The following MALRD1 variants were observed in gnomAD, a reference collection of about 807,000 sequenced individuals.
MALRD1 encodes MAM and LDL receptor class A domain containing 1.
In MALRD1, 247 loss-of-function variants were observed where a neutral mutation model predicts 242.1. The observed-to-expected ratio is 1.02, with a 90% CI of 0.92 to 1.13. The LOEUF (loss-of-function observed/expected upper bound fraction) is 1.13, where lower values mean the gene tolerates loss of function less well. MALRD1 is among the 50% of genes most tolerant of loss of function. The pLI, the probability that MALRD1 is intolerant of heterozygous loss-of-function variation, is 0.00. For missense variants in MALRD1, 2,989 were observed against 2,533.1 expected (o/e 1.18, Z -3.86); for synonymous variants, 995 against 866.6 (o/e 1.15, Z -2.60).
chr10:19,338,283 C>G (rs1284701947), intron 24 of MALRD1, among the ~76,000 whole-genome samples: 1 of 152,066 alleles, frequency 6.6e-6, no homozygotes, highest in Non-Finnish European at 1.5e-5. Context: ...AGTATCCTTA[C>G]AGAGTCGTTT....
intron 33 of MALRD1, among the ~76,000 whole-genome samples, chr10:19,585,686 A>G (rs983931087): frequency 6.6e-6 from 1 of 151,978 alleles, no homozygotes; most frequent in African/African-American, 2.4e-5. Flanking sequence ...ACTTTGGTGA[A>G]TCTGACAATT....
Position 19,093,850 on chromosome 10 carries a change from G to T in MALRD1, c.597+5665G>T, listed in dbSNP as rs1431649134. Among the ~76,000 whole-genome samples, 36 of 87,992 alleles carry T rather than the reference G, an allele frequency of 4.1e-4. 10 individuals are homozygous for T. The East Asian group carries it at 0.013, about 31-fold the overall frequency. 57.7% of individuals were successfully genotyped at this position (87,992 alleles called of 152,430 possible). A position where few individuals can be genotyped will look rare whatever the true frequency, so the allele number is the denominator to read the frequency against. ...TGCAGGTCTGTTGGAATACCCTGCCGTGTGAGGTGTCAGTGTGCCCCTGCT... is the reference window on the plus strand; with the variant it reads ...TGCAGGTCTGTTGGAATACCCTGCCTTGTGAGGTGTCAGTGTGCCCCTGCT... On this transcript the variant is annotated intron_variant, in intron 4 of 39. Coordinates refer to ENST00000454679, the MANE Select transcript of MALRD1 (RefSeq NM_001142308.3).
intron 28 of MALRD1, among the ~76,000 whole-genome samples, chr10:19,428,641 C>T (rs1833995535): frequency 6.6e-6 from 1 of 151,912 alleles, no homozygotes; most frequent in Non-Finnish European, 1.5e-5. Flanking sequence ...CTAAAGTTCA[C>T]ACACCCCTAT....
At chr10:19,096,403 C>T (rs138432701) in intron 4 of MALRD1, among the ~76,000 whole-genome samples, 120 of 152,132 alleles carry the variant, frequency 7.9e-4, no homozygotes, top group African/African-American at 2.7e-3. Flanking sequence ...ATTTTATATC[C>T]CAAAATACGT....
chr10:19,195,684 T>G (rs1836204424), intron 14 of MALRD1, among the ~76,000 whole-genome samples: 1 of 152,146 alleles, frequency 6.6e-6, no homozygotes, highest in African/African-American at 2.4e-5. Flanking sequence ...CATCTTTAAC[T>G]CCACCCTTTT....
chr10:19,087,504 A>T (rs1009168683), intron 2 of MALRD1, among the ~76,000 whole-genome samples: 1 of 151,382 alleles, frequency 6.6e-6, no homozygotes. Context: ...GGCGCCTTAA[A>T]TTCACCAGTG....
At chr10:19,507,498 A>C (rs1298678170) in intron 31 of MALRD1, among the ~76,000 whole-genome samples, 1 of 152,168 alleles carries the variant, frequency 6.6e-6, no homozygotes, top group Non-Finnish European at 1.5e-5. Context: ...CACCAGATAG[A>C]AGTGAAGACA....
rs142985747 is a variant in MALRD1, at chr10:19,248,669, G to T, written c.2992-9015G>T. Among the ~76,000 whole-genome samples the T allele has an allele frequency of 8.7e-3, 1,327 of 151,770 alleles. 22 individuals carry two copies. Among genetic ancestry groups the T allele is most frequent in the African/African-American group, 0.03 (1,264 of 41,446 alleles). On this transcript the variant is annotated intron_variant, in intron 18 of 39. Transcript: ENST00000454679. ...GACTTTTTAAACCAGTCAGGAATTA[G>T]ACTCTTTGACTGTTTGGACATCATT...
At chr10:19,245,174 G>C (rs1838984482) in intron 18 of MALRD1, among the ~76,000 whole-genome samples, 1 of 152,144 alleles carries the variant, frequency 6.6e-6, no homozygotes, top group Non-Finnish European at 1.5e-5. Flanking sequence ...GATTCCGCAT[G>C]AGCTTATGCA....
chr10:19,297,058 C>G (rs1841736621), intron 21 of MALRD1, among the ~76,000 whole-genome samples: 1 of 150,816 alleles, frequency 6.6e-6, no homozygotes, highest in African/African-American at 2.4e-5. Flanking sequence ...TTTAGTGCCT[C>G]AACTCTTTTC....
intron 29 of MALRD1, among the ~76,000 whole-genome samples, chr10:19,463,933 A>G (rs899416719): frequency 6.6e-6 from 1 of 152,084 alleles, no homozygotes; most frequent in Non-Finnish European, 1.5e-5. Flanking sequence ...GTGGTATCAC[A>G]TTGTGGTTTT....
intron 1 of MALRD1, among the ~76,000 whole-genome samples, chr10:19,053,438 A>C (rs530645297): frequency 6.6e-6 from 1 of 152,248 alleles, no homozygotes; most frequent in South Asian, 2.1e-4. Context: ...CCTCGGCAGG[A>C]ATTAAGAAAG....
chr10:19,687,820 C>T (rs1842638501), intron 36 of MALRD1, among the ~76,000 whole-genome samples: 1 of 152,078 alleles, frequency 6.6e-6, no homozygotes, highest in Admixed American at 6.5e-5. Flanking sequence ...AGCTAAGCTT[C>T]CCTACCCAGA....
chr10:19,719,172 A>C, intron 38 of MALRD1, among the ~76,000 whole-genome samples: 1 of 74,838 alleles, frequency 1.3e-5, no homozygotes, highest in East Asian at 3.9e-4. Flanking sequence ...ATATATATAC[A>C]TACATATATA....
chr10:19,586,768 C>T (rs1299754156), intron 33 of MALRD1, among the ~76,000 whole-genome samples: 1 of 152,252 alleles, frequency 6.6e-6, no homozygotes, highest in Non-Finnish European at 1.5e-5. Flanking sequence ...TTCCAGCTTC[C>T]TGGCTGCTTT....
chr10:19,440,951 G>C (rs1038133746), intron 28 of MALRD1, among the ~76,000 whole-genome samples: 1 of 151,936 alleles, frequency 6.6e-6, no homozygotes, highest in African/African-American at 2.4e-5. Flanking sequence ...CTAGTTTACA[G>C]TCCCACCAAC....
rs574052903 is a variant in MALRD1 at position 19,536,842 on chromosome 10, A to C, written c.5478+5491A>C. Among the ~76,000 whole-genome samples the C allele has an allele frequency of 2.6e-5, 4 of 152,322 alleles. No individual in the cohort carries two copies. The South Asian group carries it at 6.2e-4, about 24-fold the overall frequency. On this transcript the variant is annotated intron_variant, in intron 32 of 39. Coordinates refer to ENST00000454679, the MANE Select transcript of MALRD1 (RefSeq NM_001142308.3). ...ATAACTATGAGACCTTCCATTTGTCATACAGCACTGGAGCAAATAAGAAAG... is the reference window on the plus strand; with the variant it reads ...ATAACTATGAGACCTTCCATTTGTCCTACAGCACTGGAGCAAATAAGAAAG...
At chr10:19,564,420 A>G (rs1042936265) in intron 32 of MALRD1, among the ~76,000 whole-genome samples, 2 of 152,220 alleles carry the variant, frequency 1.3e-5, no homozygotes, top group African/African-American at 4.8e-5. Context: ...TGATCATAAT[A>G]TAACCTTTGT....
chr10:19,598,274 A>G (rs1200362639), intron 34 of MALRD1: 1 of 152,182 alleles, frequency 6.6e-6, no homozygotes, highest in Non-Finnish European at 1.5e-5. Context: ...GATCATGTCT[A>G]TAGTTTGCCA....
Sources: gnomAD v4.1 joint callset for allele counts (sites outside exome capture counted in the v4.1 genomes callset) on GRCh38, gnomAD v4.1.1 for gene constraint, MANE v1.5 for transcripts, NCBI Gene and HGNC (gene_info 2026-07-23, HGNC 2026-07-21) for gene names.